The following CDH9 variants were observed in gnomAD, a reference collection of about 807,000 sequenced individuals.
CDH9 encodes cadherin-9.
Under a neutral mutation model 70.9 loss-of-function variants are expected in CDH9, and 28 were observed. The ratio of observed to expected loss-of-function variants is 0.40; its 90% CI spans 0.29 to 0.54. The LOEUF is 0.54. Ranked by LOEUF, CDH9 falls within the 20% of genes least tolerant of loss-of-function variation. The pLI, the probability that CDH9 is intolerant of heterozygous loss-of-function variation, is 0.59. For missense variants in CDH9, 874 were observed against 984.4 expected, an observed-to-expected ratio of 0.89 and a Z score of 1.50; for synonymous variants, 409 against 343.1, an observed-to-expected ratio of 1.19 and a Z score of -2.12.
intron 7 of CDH9, among the ~76,000 whole-genome samples, chr5:26,891,686 A>ACAAG (rs1363901949): frequency 6.6e-6 from 1 of 151,606 alleles, no homozygotes. Flanking sequence ...TCAAAAACAA[A>ACAAG]CAAACAAACA....
intron 9 of CDH9, among the ~76,000 whole-genome samples, chr5:26,888,842 C>T (rs1740607265): frequency 6.6e-6 from 1 of 152,076 alleles, no homozygotes; most frequent in African/African-American, 2.4e-5. Flanking sequence ...TTCCTTGGCC[C>T]ACGAATTCAG....
intron 7 of CDH9, among the ~76,000 whole-genome samples, chr5:26,898,555 A>T (rs1740794113): frequency 6.6e-6 from 1 of 152,180 alleles, no homozygotes; most frequent in Non-Finnish European, 1.5e-5. Flanking sequence ...AACCTGACAA[A>T]AGCAAGAAAT....
chr5:26,942,272 C>A (rs143697365), intron 2 of CDH9, among the ~76,000 whole-genome samples: 2 of 152,136 alleles, frequency 1.3e-5, no homozygotes, highest in African/African-American at 4.8e-5. Flanking sequence ...TGGCAGTAAC[C>A]ACCCCCACAA....
At chr5:27,033,015 T>C (rs1743335264) in intron 1 of CDH9, among the ~76,000 whole-genome samples, 1 of 151,216 alleles carries the variant, frequency 6.6e-6, no homozygotes, top group African/African-American at 2.4e-5. Context: ...AAAAAGATAA[T>C]AAATTTTGTG....
At chr5:26,947,944 C>T (rs1018570956) in intron 2 of CDH9, among the ~76,000 whole-genome samples, 1 of 152,038 alleles carries the variant, frequency 6.6e-6, no homozygotes, top group African/African-American at 2.4e-5. Context: ...AGAATAAATA[C>T]TATTTATGGA....
chr5:26,908,918 G>A (rs997703128), intron 3 of CDH9, among the ~76,000 whole-genome samples: 1 of 152,072 alleles, frequency 6.6e-6, no homozygotes, highest in South Asian at 2.1e-4. Context: ...TTTTTTCAGA[G>A]GTGTAATTAA....
Position 26,988,780 on chromosome 5 carries a change from C to T in CDH9, c.-49-398G>A, listed in dbSNP as rs879321974. ...ACATATACATACGTGTATGAAATTA[C>T]ATATTTTAAAGAGTACTTCTCATAA... On this transcript the variant is annotated intron_variant, in intron 1 of 11. Coordinates refer to ENST00000231021, the MANE Select transcript of CDH9 (RefSeq NM_016279.4). Among the ~76,000 whole-genome samples the T allele has an allele frequency of 3.9e-5, 6 of 151,962 alleles. No homozygotes were observed. In the East Asian group the frequency reaches 1.2e-3, roughly 29 times the overall value.
At chr5:26,980,816 C>T (rs969082849) in intron 2 of CDH9, among the ~76,000 whole-genome samples, 6 of 151,968 alleles carry the variant, frequency 3.9e-5, no homozygotes, top group Non-Finnish European at 7.4e-5. Flanking sequence ...AGGTCTTTCT[C>T]ACAGCAATGA....
chr5:26,979,708 A>C (rs1244958501), intron 2 of CDH9, among the ~76,000 whole-genome samples: 1 of 151,798 alleles, frequency 6.6e-6, no homozygotes, highest in East Asian at 1.9e-4. Context: ...TAAAAGATAA[A>C]CCACACAAGC....
At chr5:26,918,128 T>C (rs1310452503) in intron 2 of CDH9, among the ~76,000 whole-genome samples, 1 of 152,206 alleles carries the variant, frequency 6.6e-6, no homozygotes, top group African/African-American at 2.4e-5. Context: ...TTGCTATACA[T>C]TCTATACATA....
intron 2 of CDH9, among the ~76,000 whole-genome samples, chr5:26,921,215 A>T (rs1458403344): frequency 6.6e-6 from 1 of 152,058 alleles, no homozygotes; most frequent in African/African-American, 2.4e-5. Context: ...AGCAGAGAAG[A>T]TGGGAAGTAC....
chr5:26,900,507 C>T (rs189953002), intron 7 of CDH9, among the ~76,000 whole-genome samples: 21 of 151,962 alleles, frequency 1.4e-4, no homozygotes, highest in Middle Eastern at 3.4e-3. Context: ...TGCAAGGTGC[C>T]CAGCATTTAC....
intron 1 of CDH9, among the ~76,000 whole-genome samples, chr5:27,025,380 G>A (rs1431337801): frequency 6.6e-6 from 1 of 152,008 alleles, no homozygotes; most frequent in Non-Finnish European, 1.5e-5. Context: ...TACAGATATG[G>A]TACGGAAAAT....
At chr5:26,946,875 T>G (rs141768595) in intron 2 of CDH9, among the ~76,000 whole-genome samples, 1 of 152,294 alleles carries the variant, frequency 6.6e-6, no homozygotes, top group East Asian at 1.9e-4. Context: ...TATCAAGCAG[T>G]GAGAAAACTC....
chr5:26,942,546 C>T (rs924341193), intron 2 of CDH9, among the ~76,000 whole-genome samples: 8 of 152,138 alleles, frequency 5.3e-5, no homozygotes, highest in African/African-American at 1.4e-4. Context: ...CAACAGTTGC[C>T]TTAAACTGGA....
chr5:26,937,670 T>G (rs1299687618), intron 2 of CDH9, among the ~76,000 whole-genome samples: 1 of 152,044 alleles, frequency 6.6e-6, no homozygotes, highest in Non-Finnish European at 1.5e-5. Context: ...TCTACAAAAA[T>G]ATATAGAAGG....
chr5:27,035,825 G>C (rs960826002), intron 1 of CDH9, among the ~76,000 whole-genome samples: 1 of 151,390 alleles, frequency 6.6e-6, no homozygotes, highest in Admixed American at 6.6e-5. Context: ...ATTTAAATGT[G>C]CCTTTGAGTG....
chr5:26,931,466 A>C (rs1741460779), intron 2 of CDH9, among the ~76,000 whole-genome samples: 2 of 152,204 alleles, frequency 1.3e-5, no homozygotes, highest in Non-Finnish European at 2.9e-5. Flanking sequence ...GAAAGTTTTG[A>C]CACACCAGAA....
At chr5:26,988,078 T>G in intron 2 of CDH9, 28 bp downstream of exon 2, 1 of 1,530,124 alleles carries the variant, frequency 6.5e-7, no homozygotes, top group South Asian at 1.2e-5. Flanking sequence ...ACTTTCAGCT[T>G]TTAGATTTCT....
Sources: allele counts gnomAD v4.1 joint callset (sites outside exome capture counted in the v4.1 genomes callset), GRCh38; gene constraint gnomAD v4.1.1; transcripts MANE v1.5; gene names NCBI Gene and HGNC (gene_info 2026-07-23, HGNC 2026-07-21).